PCDHGA2: variants seen among roughly 807,000 people sequenced by gnomAD.
The protein encoded by PCDHGA2 is protocadherin gamma subfamily A, 2.
In PCDHGA2, 40 loss-of-function variants were observed where a neutral mutation model predicts 59.2. The observed-to-expected ratio is 0.68, with a 90% CI of 0.52 to 0.88. PCDHGA2 has a LOEUF of 0.88. PCDHGA2 is among the 40% of genes least tolerant of loss of function. The pLI, the probability that PCDHGA2 is intolerant of heterozygous loss-of-function variation, is 0.00. For synonymous variants in PCDHGA2, 560 were observed against 526.0 expected, an observed-to-expected ratio of 1.06 and a Z score of -0.89; for missense variants, 1,226 against 1,204.0, an observed-to-expected ratio of 1.02 and a Z score of -0.27.
chr5:141,376,737 A>C, intron 1 of PCDHGA2: 1 of 500,806 alleles, frequency 2.0e-6, no homozygotes, highest in Non-Finnish European at 3.3e-6. Context: ...CGGACTGCGG[A>C]CTGCAGTGGC....
In PCDHGA2 at chr5:141,433,837, CA is replaced by C. The variant is rs56191208; in HGVS notation, c.2425-60952del. ...GGGCAACAAGAGTGAAACTCTATCT[CA>C]AAAAAAAAAAAAAAAAACTTTATCC... On this transcript the variant is annotated intron_variant, in intron 1 of 3. Coordinates refer to ENST00000394576, the MANE Select transcript of PCDHGA2 (RefSeq NM_018915.4). Among the ~76,000 whole-genome samples, 895 of 111,670 alleles carry C rather than the reference CA, an allele frequency of 8.0e-3. 6 individuals carry two copies. Among genetic ancestry groups the C allele is most frequent in the South Asian group, 0.02 (67 of 3,288 alleles). The allele number at this position is 111,670 out of a possible 152,430, so 73.3% of individuals were successfully genotyped here. A position where few individuals can be genotyped will look rare whatever the true frequency, so the allele number is the denominator to read the frequency against.
chr5:141,460,951 G>GTA (rs200454978), intron 1 of PCDHGA2, among the ~76,000 whole-genome samples: 2,366 of 139,742 alleles, frequency 0.017, 20 homozygotes, highest in Middle Eastern at 0.037. Flanking sequence ...TATGTATTAT[G>GTA]TATATATATA....
intron 1 of PCDHGA2, chr5:141,413,899 A>G: frequency 1.2e-6 from 2 of 1,613,286 alleles, no homozygotes; most frequent in Non-Finnish European, 1.7e-6. Context: ...TGCAAATGAC[A>G]ACGCGCCGGT....
chr5:141,461,655 ATTTTAAAG>A (rs2099019832), intron 1 of PCDHGA2, among the ~76,000 whole-genome samples: 1 of 152,022 alleles, frequency 6.6e-6, no homozygotes, highest in African/African-American at 2.4e-5. Flanking sequence ...CCCATGGATT[ATTTTAAAG>A]TTTGTTATTT....
rs751918675 is a variant in PCDHGA2 at position 141,376,240 on chromosome 5, G to A, written c.2424+34845G>A. ...TGCTGGCGCTCAGACTGCAGCGCTG[G>A]CACAAGTCACGCCTGCTGCAGGCTT... On this transcript the variant is annotated intron_variant, in intron 1 of 3. Transcript: ENST00000394576. The A allele has an allele frequency of 1.9e-6, 3 of 1,614,202 alleles. No individual in the cohort carries two copies. In the South Asian group the frequency reaches 3.3e-5, roughly 18 times the overall value.
At chr5:141,352,818 G>A (rs1384661178) in intron 1 of PCDHGA2, 6 of 812,554 alleles carry the variant, frequency 7.4e-6, no homozygotes, top group Admixed American at 2.8e-5. Flanking sequence ...GGTAAAACCC[G>A]GTCTACTAAA....
chr5:141,474,056 C>T (rs576482294), intron 1 of PCDHGA2, among the ~76,000 whole-genome samples: 37 of 152,136 alleles, frequency 2.4e-4, no homozygotes, highest in Non-Finnish European at 4.9e-4. Flanking sequence ...GATGACAGAG[C>T]GAGATCCTGC....
intron 1 of PCDHGA2, chr5:141,372,529 C>G: frequency 6.2e-7 from 1 of 1,614,042 alleles, no homozygotes; most frequent in Non-Finnish European, 8.5e-7. Flanking sequence ...CTGGCAATCT[C>G]CCTGCGCCTG....
At chr5:141,398,023 G>C in intron 1 of PCDHGA2, 1 of 1,438,566 alleles carries the variant, frequency 7.0e-7, no homozygotes, top group Non-Finnish European at 9.3e-7. Context: ...TCCTAAACTG[G>C]AACTGGAACT....
chr5:141,438,733 C>T (rs2098057443), intron 1 of PCDHGA2, among the ~76,000 whole-genome samples: 1 of 149,042 alleles, frequency 6.7e-6, no homozygotes, highest in Non-Finnish European at 1.5e-5. Context: ...GTGATCTCAG[C>T]TCACTGCAAC....
In PCDHGA2 at chr5:141,432,059, A is replaced by G. The variant is rs752124614; in HGVS notation, c.2425-62748A>G. The stretch of plus-strand genomic sequence containing the variant: ...TGACCGGGGAACCCCGCCCCTATCC[A>G]CGGAAACTCATATCTCGCTGAACGT... On this transcript the variant is annotated intron_variant, in intron 1 of 3. Coordinates refer to ENST00000394576, the MANE Select transcript of PCDHGA2 (RefSeq NM_018915.4). The surrounding 1 kb of genome is among the most constrained non-coding windows in gnomAD (Gnocchi z 6.0). 17 of 1,614,052 alleles carry G rather than the reference A, an allele frequency of 1.1e-5. No individual in the cohort carries two copies. The highest frequency in any genetic ancestry group is 1.3e-5 in the African/African-American group (1 of 74,918).
intron 1 of PCDHGA2, among the ~76,000 whole-genome samples, chr5:141,444,257 C>T (rs376980362): frequency 1.2e-4 from 18 of 147,512 alleles, no homozygotes; most frequent in East Asian, 6.0e-4. Context: ...CTGCAACCTC[C>T]GCCTCCCAGG....
intron 1 of PCDHGA2, chr5:141,361,627 C>A (rs1389094962): frequency 6.2e-7 from 1 of 1,613,918 alleles, no homozygotes; most frequent in East Asian, 2.2e-5. Context: ...CGACCTGAAG[C>A]CGCGGGAGAT....
chr5:141,469,370 A>T (rs1453825795), intron 1 of PCDHGA2, among the ~76,000 whole-genome samples: 1 of 152,106 alleles, frequency 6.6e-6, no homozygotes, highest in Non-Finnish European at 1.5e-5. Flanking sequence ...AGGTAAAGAG[A>T]TCGAGACCAT....
At chr5:141,474,671 A>G (rs2099352865) in intron 1 of PCDHGA2, among the ~76,000 whole-genome samples, 1 of 152,204 alleles carries the variant, frequency 6.6e-6, no homozygotes, top group South Asian at 2.1e-4. Context: ...TACCTAACCT[A>G]TGTGCCTACC....
At position 141,431,965 on chromosome 5, in the gene PCDHGA2, T is replaced by G. The variant is rs765281339; in HGVS notation, c.2425-62842T>G. ...TAGAAAAATCTTACGGAAATTACTATAGTTTAGTCACAGACATAGTCTTGG... is the reference window on the plus strand; with the variant it reads ...TAGAAAAATCTTACGGAAATTACTAGAGTTTAGTCACAGACATAGTCTTGG... On this transcript the variant is annotated intron_variant, in intron 1 of 3. Coordinates refer to ENST00000394576, the MANE Select transcript of PCDHGA2 (RefSeq NM_018915.4). This position sits in a 1 kb window ranked among gnomAD's most constrained non-coding sequence, Gnocchi z 4.8. The G allele has an allele frequency of 1.2e-6, 2 of 1,614,216 alleles. No individual in the cohort carries two copies. Among genetic ancestry groups the G allele is most frequent in the East Asian group, 4.5e-5 (2 of 44,892 alleles).
intron 1 of PCDHGA2, chr5:141,399,765 G>A: frequency 6.2e-7 from 1 of 1,613,356 alleles, no homozygotes; most frequent in African/African-American, 1.3e-5. Flanking sequence ...GCCTGCGCGT[G>A]TTGGTGGGCG....
intron 1 of PCDHGA2, among the ~76,000 whole-genome samples, chr5:141,454,343 A>G (rs1161350416): frequency 2.6e-5 from 4 of 152,248 alleles, no homozygotes; most frequent in African/African-American, 7.2e-5. Flanking sequence ...AAATGTTGGA[A>G]GTTGATCCAA....
rs1477534800 is a variant in PCDHGA2, at chr5:141,404,988, A to G, written c.2424+63593A>G. The G allele has an allele frequency of 5.0e-6, 8 of 1,613,868 alleles. 1 individual carries two copies. The South Asian group carries it at 7.7e-5, about 16-fold the overall frequency. On this transcript the variant is annotated intron_variant, in intron 1 of 3. Coordinates refer to ENST00000394576, the MANE Select transcript of PCDHGA2 (RefSeq NM_018915.4). ...ATCCTGGCTGACCTGGGCAGTCTTCAGATCCCTGCAGACCTGGAGGCCTCA... is the reference window on the plus strand; with the variant it reads ...ATCCTGGCTGACCTGGGCAGTCTTCGGATCCCTGCAGACCTGGAGGCCTCA...
Sources: gnomAD v4.1 joint callset for allele counts (sites outside exome capture counted in the v4.1 genomes callset) on GRCh38, gnomAD v4.1.1 for gene constraint, Gnocchi (gnomAD v3.1) non-coding constraint, MANE v1.5 for transcripts, NCBI Gene and HGNC (gene_info 2026-07-23, HGNC 2026-07-21) for gene names.